PADI3: variants seen among roughly 807,000 people sequenced by gnomAD.
PADI3 encodes the protein protein-arginine deiminase type-3.
A neutral mutation model predicts 71.5 loss-of-function variants in PADI3; 53 were observed. That is an observed-to-expected ratio of 0.74 (90% CI 0.59 to 0.93). The LOEUF is 0.93. PADI3 is among the 40% of genes least tolerant of loss of function. The probability of loss-of-function intolerance (pLI) is 0.00; values close to 1 mark genes in which losing one functional copy is unlikely to be tolerated. For missense variants in PADI3, 821 were observed against 868.0 expected, an observed-to-expected ratio of 0.95 and a Z score of 0.68; for synonymous variants, 361 against 347.5, an observed-to-expected ratio of 1.04 and a Z score of -0.43.
At chr1:17,259,398 C>T (rs1569883775) in intron 1 of PADI3, among the ~76,000 whole-genome samples, 180 bp from the exon 2 acceptor site, 3 of 152,178 alleles carry the variant, frequency 2.0e-5, no homozygotes, top group South Asian at 4.1e-4. Flanking sequence ...CACGCCCGGC[C>T]GACTGTGTAT....
At position 17,283,114 on chromosome 1, in the gene PADI3, C is replaced by A; in HGVS notation, c.*35C>A. 6.5e-7 allele frequency: 1 copy of A among 1,548,786 alleles called. No individual in the cohort carries two copies. Among genetic ancestry groups the A allele is most frequent in the Non-Finnish European group, 8.9e-7 (1 of 1,123,592 alleles). ...CACCCACCATCCTGTCCCCCTGGGG[C>A]GGGCATTGGCCCAGGTGGTGGAGAC... On this transcript the variant is annotated 3_prime_UTR_variant, in exon 16 of 16. Transcript: ENST00000375460.
In PADI3 at chr1:17,276,624, G is replaced by A; in HGVS notation, c.1413G>A (p.Val471=). 5 of 1,614,198 alleles carry A rather than the reference G, an allele frequency of 3.1e-6. No individual in the cohort carries two copies. Among genetic ancestry groups the A allele is most frequent in the South Asian group, 1.1e-5 (1 of 91,086 alleles). ...LFVDWLAVGH[V]DEFLSFVPAP... ...TGGACTGGTTGGCCGTGGGCCATGT[G>A]GATGAGTTTCTGAGCTTTGTCCCTG... Residue 471 remains valine, a synonymous_variant, in exon 12 of 16, where the codon GTG becomes GTA. Coordinates refer to ENST00000375460, the MANE Select transcript of PADI3 (RefSeq NM_016233.2).
In PADI3 at chr1:17,283,287, G is replaced by A. The variant is rs1175037952; in HGVS notation, c.*208G>A. On this transcript the variant is annotated 3_prime_UTR_variant, in exon 16 of 16. Coordinates refer to ENST00000375460, the MANE Select transcript of PADI3 (RefSeq NM_016233.2). Reference sequence around the variant, plus strand: ...GTGGTTCTCAGACTTGAATCTTCTCGGCCCCCCAAAAAGAAGGACCTCATT... The same window carrying A: ...GTGGTTCTCAGACTTGAATCTTCTCAGCCCCCCAAAAAGAAGGACCTCATT... 4.5e-5 allele frequency: 25 copies of A among 551,058 alleles called. No homozygotes were observed. Among genetic ancestry groups the A allele is most frequent in the Non-Finnish European group, 4.5e-5 (14 of 308,380 alleles). 34.1% of individuals were successfully genotyped at this position (551,058 alleles called of 1,614,324 possible). A position where few individuals can be genotyped will look rare whatever the true frequency, so the allele number is the denominator to read the frequency against.
chr1:17,282,704 G>C (rs1279615040), intron 15 of PADI3, 142 bp from the exon 16 acceptor site: 1 of 665,488 alleles, frequency 1.5e-6, no homozygotes, highest in East Asian at 2.7e-5. Context: ...AGCCCCTTTA[G>C]CCAGTTACCT....
At chr1:17,259,460 G>A (rs2073072700) in intron 1 of PADI3, 118 bp from the exon 2 acceptor site, 1 of 844,310 alleles carries the variant, frequency 1.2e-6, no homozygotes, top group South Asian at 1.8e-5. Flanking sequence ...GTGAGGATCT[G>A]AGGGGACTGG....
intron 1 of PADI3, among the ~76,000 whole-genome samples, chr1:17,250,173 A>T (rs1027147851): frequency 9.2e-5 from 14 of 152,148 alleles, no homozygotes; most frequent in African/African-American, 3.4e-4. Context: ...GGTAATCAGG[A>T]TACTGGGAGG....
Position 17,280,673 on chromosome 1 carries a change from C to G in PADI3, c.1638C>G (p.Ser546Arg). 1 of 1,614,184 alleles carries G rather than the reference C, an allele frequency of 6.2e-7. No homozygotes were observed. Among genetic ancestry groups the G allele is most frequent in the Non-Finnish European group, 8.5e-7 (1 of 1,180,026 alleles). ...CTCTGGCCCTCCCCTGCCCCCAGAG[C>G]TGCATCGACTGGAACCGTGAGGTGC... Reference protein sequence around the residue: ...DLINYNKFVQSCIDWNREVLK... With the variant: ...DLINYNKFVQRCIDWNREVLK... Residue 546 changes from serine (S) to arginine (R), a missense_variant and splice_region_variant, in exon 15 of 16, where the codon AGC becomes AGG. Ser to Arg is a moderately radical substitution (Grantham distance 110, BLOSUM62 -1). Coordinates refer to ENST00000375460, the MANE Select transcript of PADI3 (RefSeq NM_016233.2).
At chr1:17,257,911 C>T (rs1324042865) in intron 1 of PADI3, among the ~76,000 whole-genome samples, 5 of 152,044 alleles carry the variant, frequency 3.3e-5, no homozygotes, top group South Asian at 2.1e-4. Context: ...GCAGGCCTGC[C>T]GTGATAAGAG....
At chr1:17,274,136 G>GCT (rs1202198119) in intron 10 of PADI3, among the ~76,000 whole-genome samples, 3 of 152,242 alleles carry the variant, frequency 2.0e-5, no homozygotes, top group Non-Finnish European at 4.4e-5. Context: ...GATGCTAGGA[G>GCT]CTCTCTCTCC....
At chr1:17,260,598 T>A (rs2073091359) in intron 2 of PADI3, among the ~76,000 whole-genome samples, 1 of 152,090 alleles carries the variant, frequency 6.6e-6, no homozygotes, top group South Asian at 2.1e-4. Context: ...ACACTAATGG[T>A]CAGGAGAGCT....
chr1:17,276,762 C>T lies in PADI3; in HGVS notation c.1453-12C>T. On this transcript the variant is annotated splice_polypyrimidine_tract_variant and intron_variant, in intron 12 of 15. Transcript: ENST00000375460. Reference sequence around the variant, plus strand: ...GGCAGGAGGCTCAGCTGAATCTGTTCTCTGCACGCAGGGCTTCCGGATGCT... The same window carrying T: ...GGCAGGAGGCTCAGCTGAATCTGTTTTCTGCACGCAGGGCTTCCGGATGCT... The T allele has an allele frequency of 6.2e-7, 1 of 1,613,640 alleles. No individual in the cohort carries two copies. The highest frequency in any genetic ancestry group is 8.5e-7 in the Non-Finnish European group (1 of 1,179,758).
chr1:17,258,291 C>T (rs570281162), intron 1 of PADI3, among the ~76,000 whole-genome samples: 15 of 152,312 alleles, frequency 9.8e-5, no homozygotes, highest in South Asian at 2.1e-4. Context: ...GGCCTTGAGC[C>T]CCATCTGGCT....
chr1:17,261,868 C>T (rs1027290576), intron 2 of PADI3, among the ~76,000 whole-genome samples: 1 of 152,176 alleles, frequency 6.6e-6, no homozygotes, highest in African/African-American at 2.4e-5. Flanking sequence ...AACTGAGACC[C>T]AAAGGGGAGC....
chr1:17,276,734 C>T (rs779965264), intron 12 of PADI3, 40 bp from the exon 13 acceptor site: 5 of 1,613,712 alleles, frequency 3.1e-6, no homozygotes, highest in Non-Finnish European at 3.4e-6. Flanking sequence ...GGCGCCATGC[C>T]AAGGCAGGAG....
In PADI3 at chr1:17,274,626, C is replaced by T. The variant is rs775195823; in HGVS notation, c.1156-9C>T. ...CTCCACCCCCGCCTGACTTGGTTTC[C>T]CTCTCCAGGGTCCAGATTTTGGTTA... On this transcript the variant is annotated splice_polypyrimidine_tract_variant and intron_variant, in intron 10 of 15. Transcript: ENST00000375460. 1 of 1,606,556 alleles carries T rather than the reference C, an allele frequency of 6.2e-7. No individual in the cohort carries two copies. Among genetic ancestry groups the T allele is most frequent in the Non-Finnish European group, 8.5e-7 (1 of 1,174,870 alleles).
chr1:17,268,344 C>T (rs1272659789), intron 6 of PADI3, among the ~76,000 whole-genome samples: 1 of 152,062 alleles, frequency 6.6e-6, no homozygotes, highest in African/African-American at 2.4e-5. Flanking sequence ...TAAAACCAAC[C>T]CCAAACACCA....
intron 1 of PADI3, among the ~76,000 whole-genome samples, chr1:17,258,544 G>T (rs2073057763): frequency 6.6e-6 from 1 of 152,256 alleles, no homozygotes; most frequent in African/African-American, 2.4e-5. Context: ...GACCAAATCC[G>T]GCCAAGTTTC....
intron 1 of PADI3, among the ~76,000 whole-genome samples, chr1:17,253,488 G>A (rs573087666): frequency 3.9e-5 from 6 of 152,298 alleles, no homozygotes; most frequent in African/African-American, 1.2e-4. Flanking sequence ...AAGGTATCCC[G>A]GGCAGGTGTC....
intron 1 of PADI3, among the ~76,000 whole-genome samples, chr1:17,253,317 G>A (rs1258537118): frequency 1.3e-5 from 2 of 152,210 alleles, no homozygotes; most frequent in Non-Finnish European, 2.9e-5. Flanking sequence ...GGCTGCAGAG[G>A]GGCCCAGCGC....
Sources: allele counts gnomAD v4.1 joint callset (sites outside exome capture counted in the v4.1 genomes callset), GRCh38; gene constraint gnomAD v4.1.1; transcripts MANE v1.5; gene names NCBI Gene and HGNC (gene_info 2026-07-23, HGNC 2026-07-21).